The following FOXJ3 variants were observed in gnomAD, a reference collection of about 807,000 sequenced individuals.
FOXJ3 encodes the protein forkhead box J3, also known as forkhead box protein J3.
In FOXJ3, 22 loss-of-function variants were observed where a neutral mutation model predicts 76.1. That is an observed-to-expected ratio of 0.29 (90% CI 0.21 to 0.41). FOXJ3 has a LOEUF of 0.41. FOXJ3 is among the 10% of genes least tolerant of loss of function. The pLI is 1.00. For synonymous variants in FOXJ3, 269 were observed against 261.2 expected (o/e 1.03, Z -0.29); for missense variants, 613 against 762.1 (o/e 0.80, Z 2.30).
chr1:42,208,080 G>A (rs768951536), intron 5 of FOXJ3, among the ~76,000 whole-genome samples: 45 of 152,152 alleles, frequency 3.0e-4, no homozygotes, highest in Non-Finnish European at 5.7e-4. Flanking sequence ...TAAATTACTC[G>A]AACTTTATGC....
intron 4 of FOXJ3, among the ~76,000 whole-genome samples, chr1:42,231,806 T>C: frequency 6.6e-6 from 1 of 152,064 alleles, no homozygotes; most frequent in Non-Finnish European, 1.5e-5. Flanking sequence ...ACGCCTGTTT[T>C]TGTTTTGTTT....
At chr1:42,287,858 G>A (rs1653161540) in intron 2 of FOXJ3, among the ~76,000 whole-genome samples, 1 of 152,102 alleles carries the variant, frequency 6.6e-6, no homozygotes, top group Admixed American at 6.6e-5. Context: ...CAGCTACCCA[G>A]AAGGCTAAGA....
intron 2 of FOXJ3, among the ~76,000 whole-genome samples, chr1:42,283,831 A>G (rs1005008681): frequency 6.6e-6 from 1 of 152,208 alleles, no homozygotes; most frequent in Non-Finnish European, 1.5e-5. Context: ...AGAGACTCCT[A>G]TTGCCACTTA....
chr1:42,306,534 C>G (rs535375844), intron 2 of FOXJ3, among the ~76,000 whole-genome samples: 21 of 152,150 alleles, frequency 1.4e-4, no homozygotes, highest in Non-Finnish European at 2.6e-4. Flanking sequence ...GAACTCCTGA[C>G]CTCGTGATCC....
intron 4 of FOXJ3, among the ~76,000 whole-genome samples, chr1:42,248,725 T>C (rs951925941): frequency 1.6e-5 from 2 of 126,614 alleles, no homozygotes; most frequent in South Asian, 5.0e-4. Context: ...AGTCTCCTGT[T>C]TTTTCTTTTT....
chr1:42,242,164 T>C (rs182910852), intron 4 of FOXJ3, among the ~76,000 whole-genome samples: 11 of 151,564 alleles, frequency 7.3e-5, no homozygotes, highest in Admixed American at 5.9e-4. Context: ...AAGTAACTGC[T>C]ACATTAGATG....
chr1:42,210,592 G>A (rs1368850710), intron 5 of FOXJ3, among the ~76,000 whole-genome samples: 1 of 152,106 alleles, frequency 6.6e-6, no homozygotes, highest in Non-Finnish European at 1.5e-5. Flanking sequence ...TAACCAGAAG[G>A]TCTTGAGTCT....
intron 1 of FOXJ3, among the ~76,000 whole-genome samples, chr1:42,319,873 T>C (rs1325404753): frequency 6.6e-6 from 1 of 152,180 alleles, no homozygotes; most frequent in Non-Finnish European, 1.5e-5. Context: ...TACAAATCTA[T>C]AACTCCTTGA....
intron 5 of FOXJ3, among the ~76,000 whole-genome samples, 184 bp downstream of exon 5, chr1:42,227,699 T>C (rs1187128369): frequency 3.3e-5 from 5 of 152,214 alleles, no homozygotes; most frequent in Admixed American, 2.6e-4. Context: ...ATTCCTAAAC[T>C]GTCCCTCAGA....
In FOXJ3 at chr1:42,219,496, G is replaced by A. The variant is rs1647137123; in HGVS notation, c.528+8387C>T. Among the ~76,000 whole-genome samples the A allele has an allele frequency of 2.0e-5, 3 of 152,166 alleles. No individual in the cohort carries two copies. The South Asian group carries it at 6.2e-4, about 31-fold the overall frequency. ...CGTATACCCCTCAGGGAGGTCTACT[G>A]TACCATTTCCCATAAATCTTGTACC... On this transcript the variant is annotated intron_variant, in intron 5 of 12. Transcript: ENST00000361346.
intron 3 of FOXJ3, among the ~76,000 whole-genome samples, chr1:42,277,821 A>C (rs59128893): frequency 1.0e-4 from 1 of 9,708 alleles, no homozygotes. Context: ...AAAAAAAAAA[A>C]AAAAAATCTG....
intron 5 of FOXJ3, among the ~76,000 whole-genome samples, chr1:42,219,981 C>T (rs1403217401): frequency 6.6e-6 from 1 of 152,170 alleles, no homozygotes; most frequent in Non-Finnish European, 1.5e-5. Context: ...GGCAACACCC[C>T]TATCCTCACT....
intron 1 of FOXJ3, among the ~76,000 whole-genome samples, chr1:42,322,394 T>C (rs1655483872): frequency 6.6e-6 from 1 of 152,068 alleles, no homozygotes; most frequent in Admixed American, 6.6e-5. Flanking sequence ...TACATTTTCT[T>C]AAAGATGCAT....
intron 11 of FOXJ3, among the ~76,000 whole-genome samples, chr1:42,183,293 GGGGGC>G (rs1242055572): frequency 6.2e-4 from 69 of 110,774 alleles, no homozygotes; most frequent in African/African-American, 2.7e-3. Context: ...GTGGAGCGGA[GGGGGC>G]GGGGCGGGGT....
At chr1:42,251,495 A>G (rs955605670) in intron 4 of FOXJ3, among the ~76,000 whole-genome samples, 15 of 152,214 alleles carry the variant, frequency 9.9e-5, no homozygotes, top group Non-Finnish European at 1.2e-4. Flanking sequence ...CCAGATGGAG[A>G]GTTTTTAGCA....
chr1:42,260,074 C>T (rs1650915485), intron 4 of FOXJ3, among the ~76,000 whole-genome samples: 1 of 152,182 alleles, frequency 6.6e-6, no homozygotes, highest in Admixed American at 6.5e-5. Flanking sequence ...CACAGATAAA[C>T]AGTCATCATC....
At chr1:42,250,654 TA>T (rs1183499374) in intron 4 of FOXJ3, among the ~76,000 whole-genome samples, 1 of 151,818 alleles carries the variant, frequency 6.6e-6, no homozygotes, top group Admixed American at 6.6e-5. Context: ...CCGTCTCTAC[TA>T]AAAATACAAA....
chr1:42,328,715 C>T (rs1388731925), intron 1 of FOXJ3, among the ~76,000 whole-genome samples: 1 of 147,524 alleles, frequency 6.8e-6, no homozygotes, highest in Non-Finnish European at 1.5e-5. Flanking sequence ...TGTCTTACTC[C>T]CTTGCCCAGA....
At chr1:42,188,950 T>C in intron 10 of FOXJ3, 22 bp from the exon 11 acceptor site, 1 of 1,497,618 alleles carries the variant, frequency 6.7e-7, no homozygotes, top group Non-Finnish European at 9.1e-7. Context: ...GCATTAAAAA[T>C]ATGTTAGCAC....
Sources: allele counts gnomAD v4.1 joint callset (sites outside exome capture counted in the v4.1 genomes callset), GRCh38; gene constraint gnomAD v4.1.1; transcripts MANE v1.5; gene names NCBI Gene and HGNC (gene_info 2026-07-23, HGNC 2026-07-21).